ANXA8: variants seen among roughly 807,000 people sequenced by gnomAD.
ANXA8 encodes the protein VAC-beta.
Under a neutral mutation model 26.8 loss-of-function variants are expected in ANXA8, and 9 were observed. The observed-to-expected ratio is 0.34, with a 90% CI of 0.20 to 0.59. ANXA8 has a LOEUF of 0.59. Ranked by LOEUF, ANXA8 falls within the 20% of genes least tolerant of loss-of-function variation. The pLI, the probability that ANXA8 is intolerant of heterozygous loss-of-function variation, is 0.84. For synonymous variants in ANXA8, 39 were observed against 94.8 expected (o/e 0.41, Z 3.42); for missense variants, 83 against 238.5 (o/e 0.35, Z 4.29).
the ANXA8 span, among the ~76,000 whole-genome samples, chr10:47,667,495 TTTG>T: frequency 3.3e-5 from 5 of 152,020 alleles, no homozygotes; most frequent in Admixed American, 6.5e-5. Context: ...TCAGTGTTTT[TTTG>T]TTGTTGTTTT....
At chr10:47,948,368 C>T in the ANXA8 span, among the ~76,000 whole-genome samples, 5 of 107,404 alleles carry the variant, frequency 4.7e-5, no homozygotes, top group South Asian at 1.7e-3. Flanking sequence ...ACACCAATTA[C>T]AGATATACAC....
chr10:47,563,829 C>T, the ANXA8 span: 1 of 620,866 alleles, frequency 1.6e-6, no homozygotes, highest in African/African-American at 1.9e-5. Context: ...CATCATTTCT[C>T]AATTACTCTA....
chr10:47,763,420 G>C, the ANXA8 span: 1 of 984,672 alleles, frequency 1.0e-6, no homozygotes. Flanking sequence ...TGTCCGTGAG[G>C]GGCTCTCGTA....
the ANXA8 span, among the ~76,000 whole-genome samples, chr10:47,508,098 CTT>C: frequency 1.4e-4 from 18 of 128,696 alleles, 3 homozygotes; most frequent in South Asian, 2.9e-3. Context: ...GAGTTTCGCT[CTT>C]GTTGCCCAGG....
chr10:47,501,093 G>A, the ANXA8 span, among the ~76,000 whole-genome samples: 1 of 143,968 alleles, frequency 6.9e-6, no homozygotes, highest in African/African-American at 2.6e-5. Flanking sequence ...TAGCAGAGAT[G>A]GGGTTTCACC....
At chr10:47,954,614 G>A in the ANXA8 span, among the ~76,000 whole-genome samples, 1 of 151,328 alleles carries the variant, frequency 6.6e-6, no homozygotes, top group Non-Finnish European at 1.5e-5. Flanking sequence ...TGTTTACCCT[G>A]ATGTGATTAT....
At chr10:47,967,374 C>A in the ANXA8 span, among the ~76,000 whole-genome samples, 1 of 150,142 alleles carries the variant, frequency 6.7e-6, no homozygotes, top group Non-Finnish European at 1.5e-5. Context: ...TGCACCTCTG[C>A]TTCCTCCCTT....
At chr10:47,695,765 C>G in the ANXA8 span, among the ~76,000 whole-genome samples, 42 of 151,792 alleles carry the variant, frequency 2.8e-4, 1 homozygote, top group Admixed American at 2.8e-3. Context: ...TTTCTCTTTA[C>G]AGCTCACACG....
At chr10:47,485,381 T>C (rs1840016197), upstream of ANXA8, among the ~76,000 whole-genome samples, 2 of 151,792 alleles carry the variant, frequency 1.3e-5, no homozygotes, top group South Asian at 2.1e-4. Flanking sequence ...GTGCTTGTGC[T>C]TCTGAGCTTG....
At chr10:47,589,770 A>G in the ANXA8 span, among the ~76,000 whole-genome samples, 6 of 144,754 alleles carry the variant, frequency 4.1e-5, 1 homozygote, top group African/African-American at 1.7e-4. Context: ...TGCTGCCCAC[A>G]TTTGCCTTGG....
At chr10:47,667,499 T>C in the ANXA8 span, among the ~76,000 whole-genome samples, 18 of 152,002 alleles carry the variant, frequency 1.2e-4, no homozygotes, top group African/African-American at 4.1e-4. Flanking sequence ...TGTTTTTTTG[T>C]TGTTGTTTTT....
chr10:47,969,088 C>T, the ANXA8 span, among the ~76,000 whole-genome samples: 2 of 149,988 alleles, frequency 1.3e-5, no homozygotes, highest in South Asian at 2.1e-4. Flanking sequence ...GTGGAAAGAT[C>T]GTGCAGGAGA....
At chr10:47,489,873 C>A in the ANXA8 span, among the ~76,000 whole-genome samples, 2 of 147,752 alleles carry the variant, frequency 1.4e-5, no homozygotes, top group African/African-American at 5.1e-5. Context: ...GGTGCCACCC[C>A]CAGCCAGGAC....
the ANXA8 span, among the ~76,000 whole-genome samples, chr10:47,939,589 C>T: frequency 6.9e-6 from 1 of 145,314 alleles, no homozygotes; most frequent in Non-Finnish European, 1.5e-5. Flanking sequence ...TACCTGCAGG[C>T]TGGACGCCTC....
the ANXA8 span, among the ~76,000 whole-genome samples, chr10:47,939,086 G>A: frequency 1.4e-5 from 2 of 145,354 alleles, no homozygotes; most frequent in Non-Finnish European, 3.0e-5. Context: ...TCAGCTGACA[G>A]GCATTTTCAC....
At chr10:47,513,094 C>A in the ANXA8 span, among the ~76,000 whole-genome samples, 2 of 144,818 alleles carry the variant, frequency 1.4e-5, no homozygotes, top group African/African-American at 5.2e-5. Context: ...GTATGCAATG[C>A]GGTGATCTTG....
the ANXA8 span, among the ~76,000 whole-genome samples, chr10:47,694,274 T>G: frequency 2.6e-5 from 4 of 151,356 alleles, no homozygotes; most frequent in Non-Finnish European, 4.4e-5. Context: ...CTGAATAAGT[T>G]TCTTTTGTGT....
chr10:47,594,119 C>T, the ANXA8 span, among the ~76,000 whole-genome samples: 17 of 149,020 alleles, frequency 1.1e-4, 1 homozygote, highest in Non-Finnish European at 1.6e-4. Flanking sequence ...TTTTGGGACT[C>T]GGACTGGCTT....
the ANXA8 span, among the ~76,000 whole-genome samples, chr10:47,622,066 CA>C: frequency 9.0e-6 from 1 of 110,694 alleles, no homozygotes; most frequent in East Asian, 2.2e-4. Flanking sequence ...GCTGCAAAAA[CA>C]AAAAAAATGT....
Sources: gnomAD v4.1 joint callset for allele counts (sites outside exome capture counted in the v4.1 genomes callset) on GRCh38, gnomAD v4.1.1 for gene constraint, MANE v1.5 for transcripts, NCBI Gene and HGNC (gene_info 2026-07-23, HGNC 2026-07-21) for gene names.